The following CSMD1 variants were observed in gnomAD, a reference collection of about 807,000 sequenced individuals.
CSMD1 encodes the protein CUB and Sushi multiple domains 1.
Under a neutral mutation model 417.5 loss-of-function variants are expected in CSMD1, and 213 were observed. That is an observed-to-expected ratio of 0.51 (90% confidence interval 0.46 to 0.57). CSMD1 has a LOEUF of 0.57. Ranked by LOEUF, CSMD1 falls within the 20% of genes least tolerant of loss-of-function variation. CSMD1 has a pLI of 0.00. For missense variants in CSMD1, 6,923 were observed against 4,529.7 expected, an observed-to-expected ratio of 1.53 and a Z score of -15.17; for synonymous variants, 2,862 against 1,736.8, an observed-to-expected ratio of 1.65 and a Z score of -16.11.
intron 2 of CSMD1, among the ~76,000 whole-genome samples, chr8:4,424,403 A>C (rs1430860263): frequency 1.3e-5 from 2 of 152,034 alleles, no homozygotes; most frequent in East Asian, 3.9e-4. Context: ...GGTGACCTAA[A>C]GGACATCCAG....
chr8:4,131,423 C>G (rs918352809), intron 3 of CSMD1, among the ~76,000 whole-genome samples: 1 of 152,126 alleles, frequency 6.6e-6, no homozygotes. Flanking sequence ...CCACCTCTCT[C>G]TCAACTACCC....
intron 1 of CSMD1, among the ~76,000 whole-genome samples, chr8:4,819,943 A>G (rs1171894768): frequency 2.6e-5 from 4 of 152,200 alleles, no homozygotes; most frequent in African/African-American, 9.6e-5. Context: ...TTTTTGAAAT[A>G]TCTACTTATC....
In CSMD1 at chr8:3,616,463, T is replaced by A. The variant is rs1802143734; in HGVS notation, c.1097+247A>T. On this transcript the variant is annotated intron_variant, in intron 8 of 69. Transcript: ENST00000635120. ...GAGTCAATTAAACGTCTTTCCTTTA[T>A]AAATTACCCACTCTCTGGTATGCCT... Among the ~76,000 whole-genome samples the A allele has an allele frequency of 3.9e-5, 6 of 152,184 alleles. 1 individual carries two copies. In the South Asian group the frequency reaches 8.3e-4, roughly 21 times the overall value.
chr8:3,437,259 G>A (rs892423305), intron 12 of CSMD1, among the ~76,000 whole-genome samples: 1 of 152,172 alleles, frequency 6.6e-6, no homozygotes, highest in Non-Finnish European at 1.5e-5. Flanking sequence ...ACCATTCACT[G>A]AAGACAACAC....
intron 6 of CSMD1, among the ~76,000 whole-genome samples, chr8:3,726,475 G>A (rs1248208307): frequency 1.3e-5 from 2 of 152,176 alleles, no homozygotes; most frequent in African/African-American, 2.4e-5. Flanking sequence ...AGAGCCAGAT[G>A]GGATGCTTTA....
At chr8:3,186,389 T>C (rs1821760612) in intron 36 of CSMD1, among the ~76,000 whole-genome samples, 3 of 152,184 alleles carry the variant, frequency 2.0e-5, no homozygotes, top group African/African-American at 4.8e-5. Flanking sequence ...TAAAAGTTCC[T>C]AAAAGTATAA....
At chr8:4,305,920 A>T (rs748852436) in intron 3 of CSMD1, among the ~76,000 whole-genome samples, 4 of 152,192 alleles carry the variant, frequency 2.6e-5, no homozygotes, top group Non-Finnish European at 5.9e-5. Flanking sequence ...TTACCATTCT[A>T]TAACCTTTAT....
intron 3 of CSMD1, among the ~76,000 whole-genome samples, chr8:4,389,505 A>T (rs1353975632): frequency 6.6e-6 from 1 of 152,178 alleles, no homozygotes; most frequent in Non-Finnish European, 1.5e-5. Context: ...GAAAAATACA[A>T]AGGATAATAT....
At position 3,399,414 on chromosome 8, in the gene CSMD1, G is replaced by A. The variant is rs1487986821; in HGVS notation, c.2382C>T (p.His794=). The change falls in exon 16 of 70, where the codon CAC becomes CAT. Residue 794 remains histidine, a synonymous_variant. Transcript: ENST00000635120. ...CEWIIEAKPG[H]SIKITFDRFQ... ...ACCTGTCAAAAGTTATTTTGATAGA[G>A]TGGCCTGGTTTTGCTTCAATTATCC... 16 of 1,605,914 alleles carry A rather than the reference G, an allele frequency of 1.0e-5. No individual in the cohort carries two copies. The highest frequency in any genetic ancestry group is 3.3e-4 in the Middle Eastern group (2 of 6,024).
intron 25 of CSMD1, among the ~76,000 whole-genome samples, chr8:3,290,669 T>C (rs909006850): frequency 6.8e-6 from 1 of 147,486 alleles, no homozygotes; most frequent in Non-Finnish European, 1.5e-5. Context: ...TTTTGCACAT[T>C]GATTTTGTAT....
chr8:4,396,852 A>C (rs999245943), intron 3 of CSMD1, among the ~76,000 whole-genome samples: 2 of 152,092 alleles, frequency 1.3e-5, no homozygotes, highest in African/African-American at 4.8e-5. Flanking sequence ...AGGCATAAGA[A>C]TGATACAACA....
intron 2 of CSMD1, among the ~76,000 whole-genome samples, chr8:4,422,172 G>T (rs766507106): frequency 3.9e-5 from 6 of 152,222 alleles, no homozygotes; most frequent in Middle Eastern, 3.4e-3. Context: ...TCCCACTGGA[G>T]AATTCTACAT....
intron 12 of CSMD1, among the ~76,000 whole-genome samples, chr8:3,467,316 G>C (rs774730924): frequency 6.6e-6 from 1 of 152,180 alleles, no homozygotes; most frequent in Non-Finnish European, 1.5e-5. Flanking sequence ...TTGCCCTGTT[G>C]GGAAGTGTCT....
intron 26 of CSMD1, among the ~76,000 whole-genome samples, chr8:3,263,918 T>G (rs2117106524): frequency 6.6e-6 from 1 of 152,366 alleles, no homozygotes; most frequent in East Asian, 1.9e-4. Context: ...AAACACTTTT[T>G]ACCTAATGGT....
At chr8:4,664,628 A>G (rs781421108) in intron 1 of CSMD1, among the ~76,000 whole-genome samples, 1 of 152,308 alleles carries the variant, frequency 6.6e-6, no homozygotes, top group Non-Finnish European at 1.5e-5. Flanking sequence ...TGTTTTCAAG[A>G]GTTCTCAGAT....
At chr8:3,208,156 G>C (rs1323288551) in intron 30 of CSMD1, among the ~76,000 whole-genome samples, 1 of 152,124 alleles carries the variant, frequency 6.6e-6, no homozygotes. Flanking sequence ...TTTTGCAAAT[G>C]ATCTTTTTCC....
intron 1 of CSMD1, among the ~76,000 whole-genome samples, chr8:4,951,547 A>C (rs1183342927): frequency 6.7e-6 from 1 of 149,498 alleles, no homozygotes; most frequent in East Asian, 2.0e-4. Context: ...AAAAGAAAAG[A>C]AAAAAGGAAA....
At chr8:3,486,895 T>C (rs1170391305) in intron 11 of CSMD1, among the ~76,000 whole-genome samples, 4 of 152,168 alleles carry the variant, frequency 2.6e-5, no homozygotes, top group Non-Finnish European at 4.4e-5. Context: ...ACACAGGGTG[T>C]CCAGAGAGAT....
intron 1 of CSMD1, among the ~76,000 whole-genome samples, 169 bp downstream of exon 1, chr8:4,994,163 G>T (rs545883236): frequency 6.6e-6 from 1 of 152,106 alleles, no homozygotes; most frequent in Non-Finnish European, 1.5e-5. Flanking sequence ...GGGAGAGCGC[G>T]ATGGAAGCTC....
Sources: gnomAD v4.1 joint callset for allele counts (sites outside exome capture counted in the v4.1 genomes callset) on GRCh38, gnomAD v4.1.1 for gene constraint, MANE v1.5 for transcripts, NCBI Gene and HGNC (gene_info 2026-07-23, HGNC 2026-07-21) for gene names.